Variants in APOO observed in about 807,000 individuals in gnomAD.
The protein encoded by APOO is MICOS complex subunit MIC26.
APOO carries 11 observed loss-of-function variants against 23.1 expected under a neutral mutation model. The ratio of observed to expected loss-of-function variants is 0.48; its 90% CI spans 0.30 to 0.79. APOO has a LOEUF of 0.79. APOO is among the 30% of genes least tolerant of loss of function. The pLI, the probability that APOO is intolerant of heterozygous loss-of-function variation, is 0.07. For synonymous variants in APOO, 59 were observed against 54.8 expected (o/e 1.08, Z -0.34); for missense variants, 160 against 142.7 (o/e 1.12, Z -0.62).
chrX:23,883,415 C>T (rs1252026460), intron 1 of APOO: 2 of 111,499 alleles, frequency 1.8e-5, no homozygotes, highest in Non-Finnish European at 3.8e-5. Flanking sequence ...AACGGCAGGA[C>T]AACGCGGAGT....
At chrX:23,835,063 A>AT (rs1156289632) in intron 8 of APOO, among the ~76,000 whole-genome samples, 200 of 87,528 alleles carry the variant, frequency 2.3e-3, no homozygotes, top group African/African-American at 2.7e-3. Context: ...GCAATTAGAG[A>AT]TTTTTTTTTT....
chrX:23,842,664 A>G (rs765811671), intron 7 of APOO, among the ~76,000 whole-genome samples: 1 of 111,638 alleles, frequency 9.0e-6, no homozygotes, highest in African/African-American at 3.2e-5. Context: ...AAAAAGGCTT[A>G]TAAGGGCCAG....
chrX:23,847,550 C>T (rs377320444), intron 7 of APOO, among the ~76,000 whole-genome samples: 1 of 109,958 alleles, frequency 9.1e-6, no homozygotes, highest in African/African-American at 3.3e-5. Context: ...GGTGTGAACC[C>T]GGGAGGCAGA....
intron 8 of APOO, among the ~76,000 whole-genome samples, chrX:23,838,357 CA>C (rs764414297): frequency 2.9e-3 from 59 of 20,075 alleles, no homozygotes; most frequent in African/African-American, 5.6e-3. Flanking sequence ...AACTCTATCT[CA>C]AAAAAAAAAA....
intron 1 of APOO, among the ~76,000 whole-genome samples, chrX:23,900,055 T>C (rs1465079097): frequency 8.9e-6 from 1 of 112,193 alleles, no homozygotes; most frequent in Non-Finnish European, 1.9e-5. Flanking sequence ...GTTACAACTG[T>C]GAGGCTATCT....
intron 1 of APOO, among the ~76,000 whole-genome samples, chrX:23,903,467 A>G (rs925207862): frequency 2.7e-5 from 3 of 111,721 alleles, no homozygotes; most frequent in Non-Finnish European, 3.8e-5. Flanking sequence ...AAGTTTGACA[A>G]GCACTGGTTC....
intron 7 of APOO, among the ~76,000 whole-genome samples, chrX:23,848,852 ATTTTTTT>A (rs773306111): frequency 7.9e-5 from 5 of 63,628 alleles, no homozygotes; most frequent in South Asian, 1.5e-3. Flanking sequence ...TGCGCGGCTG[ATTTTTTT>A]TTTTTTTTTT....
intron 1 of APOO, among the ~76,000 whole-genome samples, chrX:23,889,883 A>T (rs189754280): frequency 5.5e-5 from 6 of 109,219 alleles, no homozygotes; most frequent in South Asian, 3.9e-4. Flanking sequence ...GGATGGTCTC[A>T]ATCTTCTGAC....
Position 23,868,647 on chromosome X carries a change from GA to G in APOO, c.333del (p.Pro112ArgfsTer22). The G allele has an allele frequency of 8.3e-7, 1 of 1,209,312 alleles. No homozygotes were observed. Among genetic ancestry groups the G allele is most frequent in the Non-Finnish European group, 1.1e-6 (1 of 894,751 alleles). On this transcript the variant is annotated frameshift_variant, in exon 5 of 9. Coordinates refer to ENST00000379226, the MANE Select transcript of APOO (RefSeq NM_024122.5). LOFTEE classifies it high-confidence loss of function. ...GCAAAACCAATAACACCAAGTCTCG[GA>G]AAAAATCCAGGAGGTGCATTTTGGA... The part of the protein sequence containing the change: ...DYLQNAPPGF[F>X]PRLGVIGFAG...
chrX:23,861,796 C>CTTT (rs10706916), intron 5 of APOO, among the ~76,000 whole-genome samples: 2 of 67,492 alleles, frequency 3.0e-5, no homozygotes, highest in Admixed American at 1.8e-4. Flanking sequence ...ACAGGGAGTT[C>CTTT]TTTTTTTTTT....
chrX:23,895,478 C>T (rs1303676254), intron 1 of APOO, among the ~76,000 whole-genome samples: 1 of 111,165 alleles, frequency 9.0e-6, no homozygotes, highest in East Asian at 2.8e-4. Context: ...ACATCACACA[C>T]TGGGGCCTAT....
At chrX:23,865,990 C>A (rs1925318859) in intron 5 of APOO, among the ~76,000 whole-genome samples, 2 of 111,668 alleles carry the variant, frequency 1.8e-5, no homozygotes, top group African/African-American at 6.5e-5. Context: ...TGCTGCTGCT[C>A]TGGCCAGGAG....
In APOO at chrX:23,880,889, G is replaced by A. The variant is rs895600235; in HGVS notation, c.73C>T (p.Pro25Ser). ...SLLTFKVYAA[P>S]KKDSPPKNSV... is the part of the protein sequence containing the mutation. ...TTTTTGGGAGGTGAGTCCTTTTTTG[G>A]TGCTGCATAGACTTTGAAGGTGAGC... Residue 25 changes from proline (P) to serine (S), a missense_variant, in exon 2 of 9, where the codon CCA (proline) becomes TCA (serine). Coordinates refer to ENST00000379226, the MANE Select transcript of APOO (RefSeq NM_024122.5). 3 of 1,187,742 alleles carry A rather than the reference G, an allele frequency of 2.5e-6. No homozygotes were observed. Among genetic ancestry groups the A allele is most frequent in the Admixed American group, 2.4e-5 (1 of 42,043 alleles).
chrX:23,844,427 G>A (rs1385969851), intron 7 of APOO, among the ~76,000 whole-genome samples: 1 of 111,219 alleles, frequency 9.0e-6, no homozygotes, highest in Non-Finnish European at 1.9e-5. Context: ...AAAATAGGGA[G>A]ATGATCTTGG....
At chrX:23,860,236 G>A (rs907932782) in intron 5 of APOO, among the ~76,000 whole-genome samples, 3 of 110,820 alleles carry the variant, frequency 2.7e-5, no homozygotes, top group Non-Finnish European at 5.7e-5. Context: ...ATGGGGAGTG[G>A]AGATGGCAAC....
chrX:23,875,885 G>A (rs1181745686), intron 3 of APOO, among the ~76,000 whole-genome samples: 2 of 110,806 alleles, frequency 1.8e-5, no homozygotes, highest in African/African-American at 6.6e-5. Context: ...AACACTTTGG[G>A]AGGCTAAGAC....
intron 6 of APOO, among the ~76,000 whole-genome samples, chrX:23,857,615 C>A (rs1340402636): frequency 1.8e-5 from 2 of 111,972 alleles, no homozygotes; most frequent in African/African-American, 6.5e-5. Context: ...CTGTCATGAA[C>A]AACCAAGGAA....
intron 8 of APOO, among the ~76,000 whole-genome samples, chrX:23,837,564 T>G (rs1048293756): frequency 6.4e-5 from 7 of 110,017 alleles, no homozygotes; most frequent in African/African-American, 2.3e-4. Context: ...TGATCCCATT[T>G]TGTCAAAAAA....
chrX:23,889,463 C>G (rs1926527365), intron 1 of APOO, among the ~76,000 whole-genome samples: 1 of 110,719 alleles, frequency 9.0e-6, no homozygotes, highest in Non-Finnish European at 1.9e-5. Context: ...TACCTAACAA[C>G]TTGCTTTCTT....
Sources: gnomAD v4.1 joint callset for allele counts (sites outside exome capture counted in the v4.1 genomes callset) on GRCh38, gnomAD v4.1.1 for gene constraint, MANE v1.5 for transcripts, NCBI Gene and HGNC (gene_info 2026-07-23, HGNC 2026-07-21) for gene names.